ADD3: variants seen among roughly 807,000 people sequenced by gnomAD.
ADD3 encodes the protein adducin 3.
In ADD3, 25 loss-of-function variants were observed where a neutral mutation model predicts 80.2. The observed-to-expected ratio is 0.31, with a 90% confidence interval of 0.23 to 0.44. The LOEUF is 0.44. Among genes scored for constraint, ADD3 ranks in the 20% least tolerant of loss-of-function variants. The probability of loss-of-function intolerance (pLI) is 1.00; values close to 1 mark genes in which losing one functional copy is unlikely to be tolerated. For missense variants in ADD3, 829 were observed against 847.5 expected (o/e 0.98, Z 0.27); for synonymous variants, 284 against 289.6 (o/e 0.98, Z 0.20).
chr10:110,079,453 A>AGT (rs1461714401), intron 1 of ADD3, among the ~76,000 whole-genome samples: 87 of 132,884 alleles, frequency 6.5e-4, no homozygotes, highest in East Asian at 3.2e-3. Context: ...AGAGAGAGAG[A>AGT]GAGAGAGAGT....
At chr10:110,118,019 TACACACACAC>T (rs148105742) in intron 5 of ADD3, among the ~76,000 whole-genome samples, 3,382 of 125,642 alleles carry the variant, frequency 0.027, 84 homozygotes, top group East Asian at 0.16. Flanking sequence ...CTGTCTTCAA[TACACACACAC>T]ACACACACAC....
At chr10:110,008,775 T>A (rs34326903) in intron 1 of ADD3, among the ~76,000 whole-genome samples, 98,399 of 151,686 alleles carry the variant, frequency 0.65, 36,988 homozygotes, top group Non-Finnish European at 0.83. Context: ...TCTCCTCATT[T>A]AAAAAAAATT....
rs114198905 is a variant in ADD3 at position 110,034,236 on chromosome 10, G to A, written c.-30+25937G>A. On this transcript the variant is annotated intron_variant, in intron 1 of 14. Coordinates refer to ENST00000356080, the MANE Select transcript of ADD3 (RefSeq NM_016824.5). The stretch of plus-strand genomic sequence containing the variant: ...TAGTTACAAATATCTCAGCCTAGGG[G>A]ATATAATGCTTTTGTTTTAAAAATC... 7.2e-4 allele frequency among the ~76,000 whole-genome samples: 110 copies of A among 152,074 alleles called. 1 individual carries two copies. The highest frequency in any genetic ancestry group is 2.5e-3 in the African/African-American group (102 of 41,490).
chr10:110,028,478 T>C (rs78649801), intron 1 of ADD3, among the ~76,000 whole-genome samples: 2 of 152,042 alleles, frequency 1.3e-5, no homozygotes, highest in East Asian at 3.9e-4. Flanking sequence ...GCAGGGAGAA[T>C]TGCTTGAACC....
rs528158695 is a variant in ADD3, at chr10:110,061,325, T to C, written c.-29-39300T>C. ...TTACTGAATGACAGTTTTATTGGTGTAGTGCAGCCTGGAAAAGGGTTGTCA... is the reference window on the plus strand; with the variant it reads ...TTACTGAATGACAGTTTTATTGGTGCAGTGCAGCCTGGAAAAGGGTTGTCA... On this transcript the variant is annotated intron_variant, in intron 1 of 14. Coordinates refer to ENST00000356080, the MANE Select transcript of ADD3 (RefSeq NM_016824.5). 9.8e-5 allele frequency among the ~76,000 whole-genome samples: 15 copies of C among 152,300 alleles called. No homozygotes were observed. The South Asian group carries it at 1.2e-3, about 13-fold the overall frequency.
chr10:110,133,655 A>AC lies in ADD3; in HGVS notation c.*38dup, dbSNP rs764433161. On this transcript the variant is annotated 3_prime_UTR_variant, in exon 15 of 15. Coordinates refer to ENST00000356080, the MANE Select transcript of ADD3 (RefSeq NM_016824.5). ...TTATAATTATTATTATAACAATGTGACATTGCACATCTAAATACCACATTT... is the reference window on the plus strand; with the variant it reads ...TTATAATTATTATTATAACAATGTGACCATTGCACATCTAAATACCACATTT... 4.8e-6 allele frequency: 7 copies of AC among 1,460,444 alleles called. No homozygotes were observed. The highest frequency in any genetic ancestry group is 6.4e-6 in the Non-Finnish European group (7 of 1,090,732). 90.5% of individuals were successfully genotyped at this position (1,460,444 alleles called of 1,614,324 possible).
intron 2 of ADD3, chr10:110,112,194 C>T (rs1197890279): frequency 1.3e-5 from 2 of 152,372 alleles, no homozygotes; most frequent in African/African-American, 2.4e-5. Flanking sequence ...GATCTCGGCT[C>T]ACCACATCCT....
intron 1 of ADD3, among the ~76,000 whole-genome samples, chr10:110,079,477 T>A (rs1845809498): frequency 1.3e-5 from 2 of 150,692 alleles, no homozygotes; most frequent in African/African-American, 4.9e-5. Context: ...TGTGTGTGTG[T>A]GTGTGTGTGT....
At chr10:110,054,439 C>CTTTTTTTTTTTT (rs36097209) in intron 1 of ADD3, among the ~76,000 whole-genome samples, 1 of 80,884 alleles carries the variant, frequency 1.2e-5, no homozygotes, top group Non-Finnish European at 2.7e-5. Flanking sequence ...CCAGTTTTCT[C>CTTTTTTTTTTTT]TTTTTTTTTT....
intron 12 of ADD3, among the ~76,000 whole-genome samples, chr10:110,129,312 G>A (rs1852629983): frequency 6.6e-6 from 1 of 152,000 alleles, no homozygotes; most frequent in Non-Finnish European, 1.5e-5. Flanking sequence ...ACCATGCCCG[G>A]CTAATTTTGT....
At position 110,118,863 on chromosome 10, in the gene ADD3, A is replaced by C. The variant is rs946352287; in HGVS notation, c.717+127A>C. 10 of 981,762 alleles carry C rather than the reference A, an allele frequency of 1.0e-5. No individual in the cohort carries two copies. The African/African-American group carries it at 1.5e-4, about 15-fold the overall frequency. 60.8% of individuals were successfully genotyped at this position (981,762 alleles called of 1,614,324 possible). A position where few individuals can be genotyped will look rare whatever the true frequency, so the allele number is the denominator to read the frequency against. On this transcript the variant is annotated intron_variant, in intron 6 of 14. Coordinates refer to ENST00000356080, the MANE Select transcript of ADD3 (RefSeq NM_016824.5). ...TTGATACAATAATCTGCATACCCAG[A>C]AAGCAAAAGGCCTTTGGGACCAAAT...
rs545625371 is a variant in ADD3 at position 110,035,519 on chromosome 10, A to G, written c.-30+27220A>G. ...ATTAAAAGCTCTAAATCCAAGCTAG[A>G]CTTGCTGACTAAACAGAAATTGCAC... On this transcript the variant is annotated intron_variant, in intron 1 of 14. Transcript: ENST00000356080. Among the ~76,000 whole-genome samples, 3 of 152,316 alleles carry G rather than the reference A, an allele frequency of 2.0e-5. No homozygotes were observed. The South Asian group carries it at 6.2e-4, about 32-fold the overall frequency.
upstream of ADD3, among the ~76,000 whole-genome samples, chr10:110,001,712 T>A (rs990995553): frequency 6.6e-6 from 1 of 152,082 alleles, no homozygotes; most frequent in Non-Finnish European, 1.5e-5. Context: ...CAGGGCCCCA[T>A]CCTAAAAGAT....
At chr10:110,133,084 T>G (rs1853263215) in intron 14 of ADD3, among the ~76,000 whole-genome samples, 1 of 152,202 alleles carries the variant, frequency 6.6e-6, no homozygotes, top group Non-Finnish European at 1.5e-5. Flanking sequence ...AAACTGTTAT[T>G]TCATCAAACT....
intron 14 of ADD3, 48 bp downstream of exon 14, chr10:110,132,448 T>A (rs756572697): frequency 2.3e-5 from 29 of 1,275,118 alleles, no homozygotes; most frequent in Middle Eastern, 1.8e-4. Flanking sequence ...TAGTCTTGAG[T>A]CTGTCCCTCT....
rs1849886100 is a variant in ADD3, at chr10:110,110,543, A to G, written c.196-2234A>G. The stretch of plus-strand genomic sequence containing the variant: ...TGGTTGAGCACCCAAGATTACAACT[A>G]TTAGCACCCAGCTCTTAGAGTTCAC... On this transcript the variant is annotated intron_variant, in intron 2 of 14. Coordinates refer to ENST00000356080, the MANE Select transcript of ADD3 (RefSeq NM_016824.5). Among the ~76,000 whole-genome samples, 3 of 152,192 alleles carry G rather than the reference A, an allele frequency of 2.0e-5. No homozygotes were observed. In the South Asian group the frequency reaches 6.2e-4, roughly 31 times the overall value.
chr10:110,103,649 G>A (rs57880145), intron 2 of ADD3, among the ~76,000 whole-genome samples: 113 of 152,234 alleles, frequency 7.4e-4, no homozygotes, highest in African/African-American at 2.6e-3. Flanking sequence ...ATGCTCCAGG[G>A]GAGAGAAATT....
At chr10:110,015,882 T>C (rs1370750890) in intron 1 of ADD3, among the ~76,000 whole-genome samples, 1 of 152,234 alleles carries the variant, frequency 6.6e-6, no homozygotes, top group African/African-American at 2.4e-5. Flanking sequence ...GTCACTGTTA[T>C]AGCAGAATGT....
intron 1 of ADD3, among the ~76,000 whole-genome samples, chr10:110,078,338 A>G (rs531299438): frequency 7.9e-5 from 12 of 152,386 alleles, no homozygotes; most frequent in Non-Finnish European, 1.6e-4. Flanking sequence ...TTGTAAAGAC[A>G]CATGACTATC....
Sources: gnomAD v4.1 joint callset for allele counts (sites outside exome capture counted in the v4.1 genomes callset) on GRCh38, gnomAD v4.1.1 for gene constraint, MANE v1.5 for transcripts, NCBI Gene and HGNC (gene_info 2026-07-23, HGNC 2026-07-21) for gene names.